CPXM2: variants seen among roughly 807,000 people sequenced by gnomAD.
The protein encoded by CPXM2 is inactive carboxypeptidase-like protein X2.
CPXM2 carries 66 observed loss-of-function variants against 86.1 expected under a neutral mutation model. That is an observed-to-expected ratio of 0.77 (90% CI 0.63 to 0.94). CPXM2 has a LOEUF of 0.94. Ranked by LOEUF, CPXM2 falls within the 40% of genes least tolerant of loss-of-function variation. The pLI, the probability that CPXM2 is intolerant of heterozygous loss-of-function variation, is 0.00. For missense variants in CPXM2, 948 were observed against 1,026.3 expected, an observed-to-expected ratio of 0.92 and a Z score of 1.04; for synonymous variants, 388 against 400.2, an observed-to-expected ratio of 0.97 and a Z score of 0.36.
At chr10:123,932,452 C>CAGTT (rs1279477347) in intron 2 of CPXM2, among the ~76,000 whole-genome samples, 1 of 152,206 alleles carries the variant, frequency 6.6e-6, no homozygotes, top group Non-Finnish European at 1.5e-5. Context: ...CTTGGGTGGA[C>CAGTT]AGTTCTAAGA....
chr10:123,922,764 G>A (rs1945588173), intron 2 of CPXM2, among the ~76,000 whole-genome samples: 1 of 152,214 alleles, frequency 6.6e-6, no homozygotes, highest in Non-Finnish European at 1.5e-5. Context: ...ATCTCCAGCT[G>A]CAGAATCCAA....
In CPXM2 at chr10:123,762,175, A is replaced by G. The variant is rs1356577766; in HGVS notation, c.1480-6T>C. 1 of 1,614,144 alleles carries G rather than the reference A, an allele frequency of 6.2e-7. No homozygotes were observed. The highest frequency in any genetic ancestry group is 2.2e-5 in the East Asian group (1 of 44,880). On this transcript the variant is annotated splice_region_variant and splice_polypyrimidine_tract_variant and intron_variant, in intron 10 of 13. Transcript: ENST00000241305. ...GCTCTGGTCTCGGCAGCCACCTGTG[A>G]ACATCCCAAATGGACGAGTAAAATA... is the stretch of plus-strand genomic sequence containing the variant.
At chr10:123,821,212 C>G (rs996592690) in intron 4 of CPXM2, among the ~76,000 whole-genome samples, 8 of 152,234 alleles carry the variant, frequency 5.3e-5, no homozygotes, top group African/African-American at 1.9e-4. Context: ...TATACACTCA[C>G]AAACACCAGT....
At position 123,890,568 on chromosome 10, in the gene CPXM2, C is replaced by A. The variant is rs143450233; in HGVS notation, c.304+788G>T. Among the ~76,000 whole-genome samples the A allele has an allele frequency of 3.2e-4, 49 of 152,360 alleles. 1 individual carries two copies. The highest frequency in any genetic ancestry group is 1.0e-3 in the African/African-American group (43 of 41,582). ...CATGCCCCACTCTTGAAATACCAGG[C>A]CTGCAGCCCCTGCAATTTAAGCAAA... is the stretch of plus-strand genomic sequence containing the variant. On this transcript the variant is annotated intron_variant, in intron 1 of 13. Transcript: ENST00000241305.
At chr10:123,901,429 TTGTGTGTGTGTG>T (rs3069582) in intron 2 of CPXM2, among the ~76,000 whole-genome samples, 2,880 of 139,030 alleles carry the variant, frequency 0.021, 35 homozygotes, top group Middle Eastern at 0.033. Flanking sequence ...CCAAGCAAGT[TTGTGTGTGTGTG>T]TGTGTGTGTG....
intron 4 of CPXM2, among the ~76,000 whole-genome samples, chr10:123,806,218 T>A (rs1302239644): frequency 6.6e-6 from 1 of 152,204 alleles, no homozygotes; most frequent in Non-Finnish European, 1.5e-5. Flanking sequence ...CTTCATTTCA[T>A]CATTTTTGAA....
intron 3 of CPXM2, among the ~76,000 whole-genome samples, chr10:123,846,633 A>T (rs574425943): frequency 3.9e-5 from 6 of 152,338 alleles, no homozygotes; most frequent in Non-Finnish European, 8.8e-5. Flanking sequence ...AACACTACAG[A>T]GAGGAATATA....
upstream of CPXM2, among the ~76,000 whole-genome samples, chr10:123,895,731 G>A (rs1292973483): frequency 6.6e-6 from 1 of 152,178 alleles, no homozygotes; most frequent in Admixed American, 6.5e-5. Context: ...GATTCTCCCT[G>A]GATGTCAGCC....
intron 13 of CPXM2, among the ~76,000 whole-genome samples, chr10:123,753,836 T>C (rs1024801199): frequency 6.6e-6 from 1 of 152,232 alleles, no homozygotes; most frequent in African/African-American, 2.4e-5. Context: ...GTTCCTAGAA[T>C]TTTGTACCCT....
intron 2 of CPXM2, among the ~76,000 whole-genome samples, chr10:123,915,821 CT>C (rs1945530078): frequency 6.6e-6 from 1 of 152,164 alleles, no homozygotes; most frequent in African/African-American, 2.4e-5. Flanking sequence ...GCTCTATGAA[CT>C]TTCCAGTCCC....
chr10:123,919,051 A>G (rs1945559745), intron 2 of CPXM2, among the ~76,000 whole-genome samples: 1 of 151,606 alleles, frequency 6.6e-6, no homozygotes, highest in South Asian at 2.1e-4. Flanking sequence ...ATCTGTTTGA[A>G]GCCCACAGCT....
At chr10:123,767,236 T>G in intron 9 of CPXM2, 84 bp from the exon 10 acceptor site, 1 of 1,250,922 alleles carries the variant, frequency 8.0e-7, no homozygotes, top group Non-Finnish European at 1.1e-6. Flanking sequence ...CTGTCTCCAC[T>G]TCCCCTTGGG....
intron 2 of CPXM2, among the ~76,000 whole-genome samples, chr10:123,908,188 G>A (rs987312517): frequency 6.6e-6 from 1 of 151,926 alleles, no homozygotes; most frequent in Admixed American, 6.6e-5. Context: ...TCCACTGTTA[G>A]GGGTAGCACC....
At chr10:123,786,705 T>G (rs1239984627) in intron 6 of CPXM2, among the ~76,000 whole-genome samples, 3 of 152,132 alleles carry the variant, frequency 2.0e-5, no homozygotes, top group African/African-American at 7.2e-5. Flanking sequence ...CTTTCTACCC[T>G]ATGGGCTAAA....
At position 123,916,778 on chromosome 10, in the gene CPXM2, C is replaced by CTT. The variant is rs71474791; in HGVS notation, n.174+22697_174+22698dup. The stretch of plus-strand genomic sequence containing the variant: ...CTGCCATTTGATTCTCTCTCTCTCT[C>CTT]TTTTTTTTTTTTCTTTTGAAACAGA... On this transcript the variant is annotated intron_variant and non_coding_transcript_variant, in intron 2 of 19. Transcript: ENST00000368854. Among the ~76,000 whole-genome samples, 3 of 146,284 alleles carry CTT rather than the reference C, an allele frequency of 2.1e-5. No individual in the cohort carries two copies. The South Asian group carries it at 6.4e-4, about 31-fold the overall frequency.
rs114402194 is a variant in CPXM2, at chr10:123,749,643, G to C, written c.2018-2626C>G. Reference sequence around the variant, plus strand: ...CACCCCTTTGTTCCAGCCATTCTGAGTGCCTTGCAGTGGTGTCTCAGGACA... The same window carrying C: ...CACCCCTTTGTTCCAGCCATTCTGACTGCCTTGCAGTGGTGTCTCAGGACA... On this transcript the variant is annotated intron_variant, in intron 13 of 13. Transcript: ENST00000241305. Among the ~76,000 whole-genome samples, 154 of 152,302 alleles carry C rather than the reference G, an allele frequency of 1.0e-3. 2 individuals are homozygous for C. The highest frequency in any genetic ancestry group is 3.7e-3 in the African/African-American group (152 of 41,556).
chr10:123,770,298 A>G (rs1846597524), intron 8 of CPXM2, among the ~76,000 whole-genome samples: 1 of 152,138 alleles, frequency 6.6e-6, no homozygotes, highest in African/African-American at 2.4e-5. Context: ...ACAAACAAAC[A>G]AAACAAAACA....
Position 123,884,096 on chromosome 10 carries a change from G to GA in CPXM2, c.305-3788dup, listed in dbSNP as rs369944347. ...TTACAGTAGCAACCCCCAGAAGCCA[G>GA]AAAAAAAAAATGCTTTGCTGCAATT... On this transcript the variant is annotated intron_variant, in intron 1 of 13. Coordinates refer to ENST00000241305, the MANE Select transcript of CPXM2 (RefSeq NM_198148.3). Among the ~76,000 whole-genome samples the GA allele has an allele frequency of 9.2e-3, 1,375 of 149,120 alleles. 22 individuals carry two copies. The highest frequency in any genetic ancestry group is 0.032 in the African/African-American group (1,313 of 40,758).
chr10:123,828,396 C>T (rs1418764686), intron 4 of CPXM2, among the ~76,000 whole-genome samples: 2 of 152,120 alleles, frequency 1.3e-5, no homozygotes, highest in Non-Finnish European at 1.5e-5. Context: ...CCACAATTCC[C>T]ATGTGTCATG....
Sources: gnomAD v4.1 joint callset for allele counts (sites outside exome capture counted in the v4.1 genomes callset) on GRCh38, gnomAD v4.1.1 for gene constraint, MANE v1.5 for transcripts, NCBI Gene and HGNC (gene_info 2026-07-23, HGNC 2026-07-21) for gene names.